GPC5: variants seen among roughly 807,000 people sequenced by gnomAD.
The protein encoded by GPC5 is glypican-5.
A neutral mutation model predicts 53.9 loss-of-function variants in GPC5; 47 were observed. The ratio of observed to expected loss-of-function variants is 0.87; its 90% CI spans 0.69 to 1.11. GPC5 has a LOEUF of 1.11. Among genes scored for constraint, GPC5 ranks in the 50% most tolerant of loss-of-function variants. The pLI is 0.00. For synonymous variants in GPC5, 286 were observed against 263.3 expected (o/e 1.09, Z -0.84); for missense variants, 748 against 713.1 (o/e 1.05, Z -0.56).
intron 2 of GPC5, among the ~76,000 whole-genome samples, chr13:91,506,300 A>G (rs1461952207): frequency 6.6e-6 from 1 of 152,172 alleles, no homozygotes; most frequent in African/African-American, 2.4e-5. Context: ...TGAGAAGAAA[A>G]TGAAAAATAC....
intron 7 of GPC5, among the ~76,000 whole-genome samples, chr13:92,262,585 T>G (rs766518684): frequency 6.6e-6 from 1 of 152,182 alleles, no homozygotes; most frequent in South Asian, 2.1e-4. Flanking sequence ...ATACTTAATG[T>G]GTTCATTTGA....
chr13:91,719,133 A>C (rs915301183), intron 3 of GPC5, among the ~76,000 whole-genome samples: 1 of 152,170 alleles, frequency 6.6e-6, no homozygotes, highest in Admixed American at 6.5e-5. Context: ...AAGTATGTCT[A>C]TTTTGCAAAT....
intron 2 of GPC5, among the ~76,000 whole-genome samples, chr13:91,635,247 C>G (rs2034258477): frequency 6.6e-6 from 1 of 151,964 alleles, no homozygotes; most frequent in African/African-American, 2.4e-5. Context: ...AATATAAACT[C>G]ATGTAAAAGT....
chr13:92,268,621 T>C (rs1457409060), intron 7 of GPC5, among the ~76,000 whole-genome samples: 1 of 152,016 alleles, frequency 6.6e-6, no homozygotes, highest in East Asian at 1.9e-4. Context: ...ACTTTGTTCA[T>C]TTATCTTTAT....
intron 7 of GPC5, among the ~76,000 whole-genome samples, chr13:92,693,074 A>T (rs1807495184): frequency 6.6e-6 from 1 of 152,066 alleles, no homozygotes; most frequent in African/African-American, 2.4e-5. Context: ...CTGTCATGTA[A>T]GACATGGGCC....
chr13:92,835,586 T>C (rs1878194537), intron 7 of GPC5, among the ~76,000 whole-genome samples: 1 of 152,066 alleles, frequency 6.6e-6, no homozygotes, highest in Non-Finnish European at 1.5e-5. Context: ...CTGAAGGATA[T>C]GAACTTTGTA....
chr13:92,586,019 G>A (rs917664948), intron 7 of GPC5, among the ~76,000 whole-genome samples: 19 of 152,166 alleles, frequency 1.2e-4, no homozygotes, highest in South Asian at 2.1e-4. Context: ...TGACTAATAC[G>A]CCTGGCTAGG....
At chr13:92,480,220 A>T (rs1056741658) in intron 7 of GPC5, among the ~76,000 whole-genome samples, 1 of 152,194 alleles carries the variant, frequency 6.6e-6, no homozygotes, top group Non-Finnish European at 1.5e-5. Flanking sequence ...GCTGACTAAC[A>T]TCAGATGGTG....
At chr13:91,559,386 G>A (rs1021463901) in intron 2 of GPC5, among the ~76,000 whole-genome samples, 1 of 152,106 alleles carries the variant, frequency 6.6e-6, no homozygotes, top group African/African-American at 2.4e-5. Flanking sequence ...TGAACTCTCA[G>A]CTAAAGCCAC....
At chr13:91,734,438 T>G (rs1478183246) in intron 4 of GPC5, among the ~76,000 whole-genome samples, 1 of 151,430 alleles carries the variant, frequency 6.6e-6, no homozygotes, top group Admixed American at 6.5e-5. Flanking sequence ...TGAGACAGAT[T>G]GAGCCTAAAA....
intron 1 of GPC5, among the ~76,000 whole-genome samples, chr13:91,442,276 G>C (rs1365266503): frequency 1.3e-5 from 2 of 152,088 alleles, no homozygotes; most frequent in Non-Finnish European, 2.9e-5. Context: ...AGTCACCACT[G>C]TACTATTTTT....
chr13:91,979,027 T>C (rs1025657581), intron 6 of GPC5, among the ~76,000 whole-genome samples: 4 of 152,156 alleles, frequency 2.6e-5, no homozygotes, highest in African/African-American at 9.7e-5. Flanking sequence ...GGTTTTGCCA[T>C]TTACTGAGAA....
chr13:92,766,443 T>G (rs1365500119), intron 7 of GPC5, among the ~76,000 whole-genome samples: 2 of 152,300 alleles, frequency 1.3e-5, no homozygotes, highest in African/African-American at 4.8e-5. Context: ...TGGATAGACT[T>G]TAATTATGAT....
chr13:92,751,858 G>A (rs1025002503), intron 7 of GPC5, among the ~76,000 whole-genome samples: 3 of 152,082 alleles, frequency 2.0e-5, no homozygotes, highest in African/African-American at 4.8e-5. Context: ...CCCATTTTCC[G>A]TTTTCACAAC....
intron 5 of GPC5, among the ~76,000 whole-genome samples, chr13:91,836,706 T>C (rs1286473987): frequency 6.6e-6 from 1 of 152,000 alleles, no homozygotes; most frequent in Non-Finnish European, 1.5e-5. Context: ...TTTCTGTTCA[T>C]ATTTGCCATC....
chr13:91,768,054 A>G (rs140752051), intron 5 of GPC5, among the ~76,000 whole-genome samples: 2 of 152,342 alleles, frequency 1.3e-5, no homozygotes, highest in African/African-American at 4.8e-5. Flanking sequence ...GCTAAACTAC[A>G]AAAATGGAAA....
chr13:92,501,322 A>AG lies in GPC5; in HGVS notation c.1561+356335dup, dbSNP rs143004843. Among the ~76,000 whole-genome samples the AG allele has an allele frequency of 8.1e-3, 1,233 of 152,278 alleles. 19 individuals are homozygous for AG. Among genetic ancestry groups the AG allele is most frequent in the African/African-American group, 0.028 (1,156 of 41,564 alleles). On this transcript the variant is annotated intron_variant, in intron 7 of 7. Transcript: ENST00000377067. ...GTAGCACTGAAAAAAATTACTGGAT[A>AG]GGCACAATCACAGGATGGAAATGAC... is the stretch of plus-strand genomic sequence containing the variant.
At chr13:91,558,790 A>G (rs1379517042) in intron 2 of GPC5, among the ~76,000 whole-genome samples, 2 of 152,004 alleles carry the variant, frequency 1.3e-5, no homozygotes, top group Non-Finnish European at 2.9e-5. Context: ...TTCATCATCC[A>G]TGAAGGTCAT....
At chr13:91,459,517 G>A (rs903646098) in intron 2 of GPC5, among the ~76,000 whole-genome samples, 26 of 119,360 alleles carry the variant, frequency 2.2e-4, no homozygotes, top group African/African-American at 8.6e-4. Context: ...ATATATCAGG[G>A]TTGCATCAGT....
Sources: allele counts gnomAD v4.1 joint callset (sites outside exome capture counted in the v4.1 genomes callset), GRCh38; gene constraint gnomAD v4.1.1; transcripts MANE v1.5; gene names NCBI Gene and HGNC (gene_info 2026-07-23, HGNC 2026-07-21).